Variants in EVI5 observed in about 807,000 individuals in gnomAD.
EVI5 encodes ecotropic viral integration site 5 protein homolog.
Under a neutral mutation model 112.0 loss-of-function variants are expected in EVI5, and 73 were observed. That is an observed-to-expected ratio of 0.65 (90% CI 0.54 to 0.79). EVI5 has a LOEUF of 0.79. EVI5 is among the 30% of genes least tolerant of loss of function. The pLI, the probability that EVI5 is intolerant of heterozygous loss-of-function variation, is 0.00. For synonymous variants in EVI5, 305 were observed against 319.9 expected (o/e 0.95, Z 0.50); for missense variants, 900 against 968.8 (o/e 0.93, Z 0.94).
chr1:92,656,926 A>G (rs545079509), intron 13 of EVI5, among the ~76,000 whole-genome samples: 38 of 152,362 alleles, frequency 2.5e-4, no homozygotes, highest in African/African-American at 8.4e-4. Context: ...CCAGGATCAG[A>G]TGAATTCACA....
At chr1:92,755,074 T>TTG (rs1680733460) in intron 1 of EVI5, among the ~76,000 whole-genome samples, 2 of 150,636 alleles carry the variant, frequency 1.3e-5, no homozygotes, top group Non-Finnish European at 1.5e-5. Flanking sequence ...ATAGGTTTTT[T>TTG]TTTTTTTTTT....
intron 2 of EVI5, among the ~76,000 whole-genome samples, chr1:92,727,649 C>A (rs1325388006): frequency 3.9e-5 from 6 of 151,932 alleles, no homozygotes; most frequent in African/African-American, 1.2e-4. Context: ...TTAAATAACC[C>A]AATTAAAAGA....
chr1:92,693,966 T>C (rs1669905348), intron 8 of EVI5, 67 bp from the exon 9 acceptor site: 1 of 995,638 alleles, frequency 1.0e-6, no homozygotes, highest in Non-Finnish European at 1.6e-6. Flanking sequence ...TCCAAAGACA[T>C]TCAAGAAATT....
chr1:92,706,049 T>G (rs1288595471), intron 2 of EVI5, among the ~76,000 whole-genome samples: 1 of 152,140 alleles, frequency 6.6e-6, no homozygotes, highest in Non-Finnish European at 1.5e-5. Context: ...CAGTATAAAC[T>G]GAACAAACAA....
chr1:92,670,763 T>C (rs992168233), intron 10 of EVI5, among the ~76,000 whole-genome samples: 3 of 152,166 alleles, frequency 2.0e-5, no homozygotes, highest in African/African-American at 4.8e-5. Context: ...TAATCTGGCA[T>C]ATGATTTCAC....
chr1:92,698,403 GAAATA>G (rs1400255777), intron 5 of EVI5, among the ~76,000 whole-genome samples: 1 of 152,150 alleles, frequency 6.6e-6, no homozygotes, highest in Admixed American at 6.6e-5. Context: ...GGATGCTACA[GAAATA>G]AAATAAAGTA....
At chr1:92,622,118 T>A (rs973384460) in intron 16 of EVI5, among the ~76,000 whole-genome samples, 3 of 65,550 alleles carry the variant, frequency 4.6e-5, no homozygotes. Context: ...AGGCTCCGTC[T>A]AAAAAATAAA....
intron 14 of EVI5, among the ~76,000 whole-genome samples, chr1:92,632,843 G>C (rs1389301273): frequency 1.3e-5 from 2 of 152,142 alleles, no homozygotes; most frequent in African/African-American, 4.8e-5. Context: ...ACACTGCTTT[G>C]AATGTGTCCC....
At chr1:92,624,145 T>A (rs1289159030) in intron 16 of EVI5, 31 bp downstream of exon 16, 3 of 1,581,656 alleles carry the variant, frequency 1.9e-6, no homozygotes, top group Admixed American at 1.7e-5. Context: ...CTAATGATAC[T>A]TTTTAAAGAT....
At chr1:92,730,291 G>T (rs1272037451) in intron 2 of EVI5, among the ~76,000 whole-genome samples, 1 of 151,664 alleles carries the variant, frequency 6.6e-6, no homozygotes, top group East Asian at 1.9e-4. Flanking sequence ...CCAGGAGAAG[G>T]CTACAGCAAG....
chr1:92,682,974 G>C (rs1024950288), intron 9 of EVI5, among the ~76,000 whole-genome samples: 2 of 152,092 alleles, frequency 1.3e-5, no homozygotes, highest in Non-Finnish European at 2.9e-5. Context: ...TAATTTATAT[G>C]TACTTTAAAA....
At chr1:92,670,014 G>C (rs1665595110) in intron 10 of EVI5, among the ~76,000 whole-genome samples, 1 of 152,174 alleles carries the variant, frequency 6.6e-6, no homozygotes, top group Admixed American at 6.5e-5. Flanking sequence ...GAAATACTTA[G>C]TGTTGGCAAA....
intron 15 of EVI5, 21 bp from the exon 16 acceptor site, chr1:92,624,355 T>A (rs1360851510): frequency 3.7e-6 from 6 of 1,602,026 alleles, no homozygotes. Flanking sequence ...AAAAATTATA[T>A]TGCAACAAAT....
chr1:92,529,893 G>C (rs1270868511), intron 19 of EVI5, among the ~76,000 whole-genome samples: 1 of 152,022 alleles, frequency 6.6e-6, no homozygotes, highest in Non-Finnish European at 1.5e-5. Context: ...TAAAAATTAT[G>C]CTTACTGTAT....
chr1:92,575,823 C>T (rs1670995367), intron 18 of EVI5, among the ~76,000 whole-genome samples: 1 of 152,036 alleles, frequency 6.6e-6, no homozygotes, highest in African/African-American at 2.4e-5. Flanking sequence ...TTCAGCCTCC[C>T]AAAGTGCTGG....
chr1:92,522,994 A>G, intron 19 of EVI5, among the ~76,000 whole-genome samples: 1 of 152,128 alleles, frequency 6.6e-6, no homozygotes, highest in East Asian at 1.9e-4. Flanking sequence ...ACTAGCCTCA[A>G]GCAATTCCCT....
chr1:92,519,919 T>G (rs1345746241), intron 19 of EVI5, among the ~76,000 whole-genome samples: 1 of 135,712 alleles, frequency 7.4e-6, no homozygotes, highest in African/African-American at 2.8e-5. Flanking sequence ...AAAAAAAGAA[T>G]ATGAAAGCTA....
Position 92,703,456 on chromosome 1 carries a change from T to G in EVI5, c.503A>C (p.Glu168Ala). 6.3e-7 allele frequency: 1 copy of G among 1,595,424 alleles called. No individual in the cohort carries two copies. Among genetic ancestry groups the G allele is most frequent in the Non-Finnish European group, 8.5e-7 (1 of 1,175,334 alleles). The change falls in exon 4 of 20, where the codon GAA (glutamate) becomes GCA (alanine). Residue 168 changes from glutamate to alanine, a missense_variant. Coordinates refer to ENST00000684568, the MANE Select transcript of EVI5 (RefSeq NM_001350197.2). ...IRRDIARTYPEHNFFKEKDSL... is the reference protein window; with the variant it reads ...IRRDIARTYPAHNFFKEKDSL... ...ATCTTTTTCCTTAAAAAAGTTGTGT[T>G]CAGGGTAAGTTCTAGCAATGTCCCT... is the stretch of plus-strand genomic sequence containing the variant.
At chr1:92,598,043 AG>A (rs1648307533) in intron 18 of EVI5, among the ~76,000 whole-genome samples, 1 of 152,134 alleles carries the variant, frequency 6.6e-6, no homozygotes, top group African/African-American at 2.4e-5. Context: ...TGAGCAACAA[AG>A]TGAGACCTTT....
Sources: allele counts gnomAD v4.1 joint callset (sites outside exome capture counted in the v4.1 genomes callset), GRCh38; gene constraint gnomAD v4.1.1; transcripts MANE v1.5; gene names NCBI Gene and HGNC (gene_info 2026-07-23, HGNC 2026-07-21).